The following PRKN variants were observed in gnomAD, a reference collection of about 807,000 sequenced individuals.
The protein encoded by PRKN is parkin RBR E3 ubiquitin protein ligase.
Under a neutral mutation model 59.5 loss-of-function variants are expected in PRKN, and 56 were observed. The observed-to-expected ratio is 0.94, with a 90% CI of 0.76 to 1.18. PRKN has a LOEUF of 1.18. PRKN is among the 50% of genes most tolerant of loss of function. PRKN has a pLI of 0.00. For synonymous variants in PRKN, 250 were observed against 222.1 expected (o/e 1.13, Z -1.12); for missense variants, 657 against 596.4 (o/e 1.10, Z -1.06).
intron 7 of PRKN, among the ~76,000 whole-genome samples, chr6:161,775,278 AGTCACTCAGGCTGGAGT>A (rs1490898827): frequency 6.6e-6 from 1 of 151,936 alleles, no homozygotes; most frequent in Non-Finnish European, 1.5e-5. Flanking sequence ...GGTCTCACTC[AGTCACTCAGGCTGGAGT>A]GAAATGGCAC....
rs749081702 is a variant in PRKN, at chr6:162,727,658, G to A, written c.7+4C>T. The A allele has an allele frequency of 7.9e-5, 125 of 1,585,338 alleles. No individual in the cohort carries two copies. In the South Asian group the frequency reaches 1.3e-3, roughly 17 times the overall value. On this transcript the variant is annotated splice_donor_region_variant and intron_variant, in intron 1 of 11. Transcript: ENST00000366898. ...GAGGCTGTACCTGGCAGGTACCCACGTACCTATCATGGTCACTGGGTAGGT... is the reference window on the plus strand; with the variant it reads ...GAGGCTGTACCTGGCAGGTACCCACATACCTATCATGGTCACTGGGTAGGT...
At chr6:162,127,855 A>G (rs1472718518) in intron 4 of PRKN, among the ~76,000 whole-genome samples, 2 of 152,202 alleles carry the variant, frequency 1.3e-5, no homozygotes, top group African/African-American at 4.8e-5. Context: ...AAAATATACA[A>G]TGAAAATCCA....
intron 2 of PRKN, among the ~76,000 whole-genome samples, chr6:162,317,853 A>C (rs1428949878): frequency 6.6e-6 from 1 of 152,060 alleles, no homozygotes; most frequent in Non-Finnish European, 1.5e-5. Context: ...GGCTGGCTAC[A>C]TTCAGTTCAG....
chr6:161,992,938 C>T (rs368019365), intron 5 of PRKN, among the ~76,000 whole-genome samples: 3 of 151,852 alleles, frequency 2.0e-5, no homozygotes, highest in South Asian at 2.1e-4. Context: ...TATTAAAACC[C>T]GTGAAATACA....
intron 2 of PRKN, among the ~76,000 whole-genome samples, chr6:162,378,898 C>T (rs187592371): frequency 6.6e-6 from 1 of 152,304 alleles, no homozygotes; most frequent in African/African-American, 2.4e-5. Flanking sequence ...TTGGCTGTCT[C>T]TGCAGAGCCA....
At chr6:161,925,167 TTAAA>T (rs199871131) in intron 6 of PRKN, among the ~76,000 whole-genome samples, 1,871 of 152,326 alleles carry the variant, frequency 0.012, 14 homozygotes, top group Middle Eastern at 0.037. Context: ...GCATACAAAT[TTAAA>T]TACCACAAAA....
chr6:161,463,852 A>G lies in PRKN; in HGVS notation c.1084-76975T>C, dbSNP rs565836912. Among the ~76,000 whole-genome samples, 1 of 152,298 alleles carries G rather than the reference A, an allele frequency of 6.6e-6. No homozygotes were observed. Among genetic ancestry groups the G allele is most frequent in the African/African-American group, 2.4e-5 (1 of 41,560 alleles). ...GCACCTAAATCCAAGCCCTGCAACT[A>G]TCCCACAATATTATAGTATTATTCA... is the stretch of plus-strand genomic sequence containing the variant. On this transcript the variant is annotated intron_variant, in intron 9 of 11. Transcript: ENST00000366898. The surrounding 1 kb of genome is among the most constrained non-coding windows in gnomAD (Gnocchi z 4.8).
chr6:161,386,706 T>A lies in PRKN; in HGVS notation c.1167+88A>T. The A allele has an allele frequency of 9.6e-7, 1 of 1,038,620 alleles. No individual in the cohort carries two copies. The highest frequency in any genetic ancestry group is 1.5e-6 in the Non-Finnish European group (1 of 655,084). 64.3% of individuals were successfully genotyped at this position (1,038,620 alleles called of 1,614,324 possible). On this transcript the variant is annotated intron_variant, in intron 10 of 11. Transcript: ENST00000366898. This position sits in a 1 kb window ranked among gnomAD's most constrained non-coding sequence, Gnocchi z 4.3. ...CAGTCTGCTTCTTGCTTTTTTAGAA[T>A]GGAACTCTCCATGACCTCCAGGAAA...
At chr6:162,003,583 T>C (rs1178544960) in intron 5 of PRKN, among the ~76,000 whole-genome samples, 2 of 152,138 alleles carry the variant, frequency 1.3e-5, no homozygotes, top group Non-Finnish European at 2.9e-5. Flanking sequence ...AACTATGTCC[T>C]TACTGATTAT....
intron 1 of PRKN, among the ~76,000 whole-genome samples, chr6:162,478,999 C>T (rs1275680498): frequency 2.0e-5 from 3 of 152,130 alleles, no homozygotes; most frequent in Non-Finnish European, 4.4e-5. Context: ...CAACACTGCA[C>T]ACTCAGGCTA....
At chr6:162,167,198 T>C (rs956717397) in intron 4 of PRKN, among the ~76,000 whole-genome samples, 6 of 152,176 alleles carry the variant, frequency 3.9e-5, no homozygotes, top group Non-Finnish European at 7.3e-5. Context: ...AATAATTGAA[T>C]ATATAAAATG....
intron 6 of PRKN, among the ~76,000 whole-genome samples, chr6:161,833,791 G>A (rs9347544): frequency 0.86 from 130,635 of 152,108 alleles, 56,684 homozygotes; most frequent in East Asian, 0.96. Context: ...GAAAGGGTAT[G>A]TGGGAAGCAG....
At chr6:162,195,697 G>A (rs981981885) in intron 4 of PRKN, among the ~76,000 whole-genome samples, 6 of 152,120 alleles carry the variant, frequency 3.9e-5, no homozygotes, top group Admixed American at 6.6e-5. Flanking sequence ...TGATTGTAGC[G>A]GGGAGGGGGT....
chr6:161,823,371 G>T (rs1792115061), intron 6 of PRKN, among the ~76,000 whole-genome samples: 1 of 152,040 alleles, frequency 6.6e-6, no homozygotes. Flanking sequence ...ATTATCATAT[G>T]CAACTTTCAC....
intron 4 of PRKN, among the ~76,000 whole-genome samples, chr6:162,096,793 G>T (rs1779755476): frequency 1.4e-5 from 2 of 144,586 alleles, no homozygotes; most frequent in South Asian, 2.2e-4. Flanking sequence ...TTTATAAATT[G>T]CCCAGTCTTG....
At chr6:162,111,547 C>T (rs914677973) in intron 4 of PRKN, among the ~76,000 whole-genome samples, 2 of 152,124 alleles carry the variant, frequency 1.3e-5, no homozygotes, top group Non-Finnish European at 2.9e-5. Flanking sequence ...CACATACATA[C>T]ACACATGTAT....
Position 161,456,003 on chromosome 6 carries a change from A to C in PRKN, c.1084-69126T>G, listed in dbSNP as rs1444781786. Among the ~76,000 whole-genome samples, 1 of 152,226 alleles carries C rather than the reference A, an allele frequency of 6.6e-6. No homozygotes were observed. Among genetic ancestry groups the C allele is most frequent in the Non-Finnish European group, 1.5e-5 (1 of 68,046 alleles). On this transcript the variant is annotated intron_variant, in intron 9 of 11. Transcript: ENST00000366898. The surrounding 1 kb of genome is among the most constrained non-coding windows in gnomAD (Gnocchi z 4.8). The stretch of plus-strand genomic sequence containing the variant: ...TGTGTTTATAGTTTCTTCCAGTTCA[A>C]AATCACTATGAAAAAATGTTTTCCT...
chr6:162,601,321 T>TTGAATGGGGGACTGAATGGGGGTTGAA (rs141594307), intron 1 of PRKN, among the ~76,000 whole-genome samples: 2 of 151,990 alleles, frequency 1.3e-5, no homozygotes, highest in Non-Finnish European at 2.9e-5. Flanking sequence ...ACATGAACTT[T>TTGAATGGGGGACTGAATGGGGGTTGAA]TGGGGGACAC....
At chr6:161,739,520 G>T (rs1788103787) in intron 7 of PRKN, among the ~76,000 whole-genome samples, 1 of 152,148 alleles carries the variant, frequency 6.6e-6, no homozygotes, top group African/African-American at 2.4e-5. Flanking sequence ...AGGTGTAATA[G>T]CTATTCATAC....
Sources: gnomAD v4.1 joint callset for allele counts (sites outside exome capture counted in the v4.1 genomes callset) on GRCh38, gnomAD v4.1.1 for gene constraint, Gnocchi (gnomAD v3.1) non-coding constraint, MANE v1.5 for transcripts, NCBI Gene and HGNC (gene_info 2026-07-23, HGNC 2026-07-21) for gene names.